ANXA4: variants seen among roughly 807,000 people sequenced by gnomAD.
ANXA4 encodes annexin A4, also known as 35-beta calcimedin.
In ANXA4, 39 loss-of-function variants were observed where a neutral mutation model predicts 49.8. That is an observed-to-expected ratio of 0.78 (90% CI 0.61 to 1.02). ANXA4 has a LOEUF of 1.02. ANXA4 is among the 50% of genes least tolerant of loss of function. ANXA4 has a pLI of 0.00. For missense variants in ANXA4, 360 were observed against 410.1 expected (o/e 0.88, Z 1.05); for synonymous variants, 134 against 152.5 (o/e 0.88, Z 0.89).
At chr2:69,721,692 G>A (rs1184745570) in intron 3 of ANXA4, among the ~76,000 whole-genome samples, 2 of 150,690 alleles carry the variant, frequency 1.3e-5, no homozygotes, top group African/African-American at 2.4e-5. Flanking sequence ...GAGTGAGACC[G>A]TCTCAAAAAA....
At chr2:69,734,154 T>A (rs1670180102) in intron 3 of ANXA4, among the ~76,000 whole-genome samples, 1 of 152,196 alleles carries the variant, frequency 6.6e-6, no homozygotes, top group Non-Finnish European at 1.5e-5. Context: ...TCTCAAGGCT[T>A]TGCTAACCCA....
At chr2:69,668,365 A>C (rs1403344388) in intron 2 of ANXA4, among the ~76,000 whole-genome samples, 1 of 152,124 alleles carries the variant, frequency 6.6e-6, no homozygotes, top group Non-Finnish European at 1.5e-5. Flanking sequence ...TAATCCCAGC[A>C]CTTTAGGAGG....
intron 8 of ANXA4, among the ~76,000 whole-genome samples, chr2:69,814,481 A>AGG (rs1419809597): frequency 6.6e-6 from 1 of 150,458 alleles, no homozygotes; most frequent in East Asian, 2.0e-4. Flanking sequence ...GAGTAGCTGG[A>AGG]CTACAGGCGT....
chr2:69,696,526 TCA>T, intron 2 of ANXA4, among the ~76,000 whole-genome samples: 1 of 152,238 alleles, frequency 6.6e-6, no homozygotes, highest in Non-Finnish European at 1.5e-5. Flanking sequence ...TGCCCTTCTC[TCA>T]TGAATCATGA....
intron 2 of ANXA4, among the ~76,000 whole-genome samples, chr2:69,719,627 A>T (rs964282945): frequency 2.6e-5 from 4 of 151,436 alleles, no homozygotes; most frequent in Admixed American, 2.0e-4. Context: ...TTTAGTAGAG[A>T]CAGGTTTCAC....
At chr2:69,811,797 C>T (rs1362021280) in intron 7 of ANXA4, among the ~76,000 whole-genome samples, 3 of 152,194 alleles carry the variant, frequency 2.0e-5, no homozygotes, top group African/African-American at 4.8e-5. Context: ...CCAATTTCCA[C>T]TTTGCTCTTG....
chr2:69,726,672 A>G (rs1559115454), intron 3 of ANXA4, among the ~76,000 whole-genome samples: 1 of 152,222 alleles, frequency 6.6e-6, no homozygotes, highest in Non-Finnish European at 1.5e-5. Context: ...CCCAAGGGTA[A>G]CCATTATCCT....
At chr2:69,676,491 G>T (rs1220525088) in intron 2 of ANXA4, among the ~76,000 whole-genome samples, 1 of 152,058 alleles carries the variant, frequency 6.6e-6, no homozygotes, top group Non-Finnish European at 1.5e-5. Flanking sequence ...ATTTGAATTT[G>T]CTTTTAAATT....
At chr2:69,777,757 C>A (rs1353190664) in intron 1 of ANXA4, among the ~76,000 whole-genome samples, 1 of 152,196 alleles carries the variant, frequency 6.6e-6, no homozygotes, top group Non-Finnish European at 1.5e-5. Flanking sequence ...GAACGGCTAG[C>A]CCCTTCCCTT....
At chr2:69,672,248 T>C (rs1039360974) in intron 2 of ANXA4, among the ~76,000 whole-genome samples, 2 of 152,190 alleles carry the variant, frequency 1.3e-5, no homozygotes, top group Non-Finnish European at 2.9e-5. Flanking sequence ...TATTTATTTA[T>C]TGAGACAGAA....
At chr2:69,719,848 A>T (rs1266573497) in intron 2 of ANXA4, among the ~76,000 whole-genome samples, 3 of 152,114 alleles carry the variant, frequency 2.0e-5, no homozygotes, top group Non-Finnish European at 2.9e-5. Context: ...GGCTGGTCTC[A>T]AACTCCTGCT....
chr2:69,815,188 T>G (rs1184405096), intron 8 of ANXA4: 1 of 152,228 alleles, frequency 6.6e-6, no homozygotes, highest in Non-Finnish European at 1.5e-5. Flanking sequence ...AACCCATGGC[T>G]CAGTCAAGTT....
intron 2 of ANXA4, among the ~76,000 whole-genome samples, chr2:69,688,445 G>A (rs1677864226): frequency 6.6e-6 from 1 of 152,136 alleles, no homozygotes; most frequent in African/African-American, 2.4e-5. Context: ...GATGATAAGC[G>A]TCTAGATCTG....
At chr2:69,770,792 A>G (rs925326025) in intron 1 of ANXA4, among the ~76,000 whole-genome samples, 4 of 152,046 alleles carry the variant, frequency 2.6e-5, no homozygotes, top group African/African-American at 9.7e-5. Context: ...TAATTTATTT[A>G]TATTAAGAAA....
At chr2:69,768,376 T>A (rs1671577756) in intron 1 of ANXA4, among the ~76,000 whole-genome samples, 1 of 151,888 alleles carries the variant, frequency 6.6e-6, no homozygotes, top group Non-Finnish European at 1.5e-5. Context: ...TGTGGAGGAG[T>A]GAGCGCAGGG....
intron 1 of ANXA4, among the ~76,000 whole-genome samples, chr2:69,745,731 A>G (rs562745289): frequency 7.2e-5 from 11 of 152,088 alleles, no homozygotes; most frequent in Admixed American, 5.2e-4. Flanking sequence ...GGGTTTCACC[A>G]TATTGGCCAG....
rs2103920253 is a variant in ANXA4, at chr2:69,825,831, C to G, written c.*316C>G. 1 of 201,244 alleles carries G rather than the reference C, an allele frequency of 5.0e-6. No individual in the cohort carries two copies. Among genetic ancestry groups the G allele is most frequent in the East Asian group, 1.1e-4 (1 of 9,012 alleles). The allele number at this position is 201,244 out of a possible 1,614,324, so 12.5% of individuals were successfully genotyped here. A position where few individuals can be genotyped will look rare whatever the true frequency, so the allele number is the denominator to read the frequency against. ...CAGACATTGAATATATTAAATTATTCCATATTTTCTTTTCAGTGAAAAATT... is the reference window on the plus strand; with the variant it reads ...CAGACATTGAATATATTAAATTATTGCATATTTTCTTTTCAGTGAAAAATT... On this transcript the variant is annotated 3_prime_UTR_variant, in exon 13 of 13. Coordinates refer to ENST00000394295, the MANE Select transcript of ANXA4 (RefSeq NM_001153.5).
chr2:69,689,025 T>C (rs1396115310), intron 2 of ANXA4, among the ~76,000 whole-genome samples: 1 of 152,226 alleles, frequency 6.6e-6, no homozygotes, highest in African/African-American at 2.4e-5. Flanking sequence ...CCTTCCTTTC[T>C]TCTTCCTCCT....
At chr2:69,804,666 G>A (rs769485917) in intron 4 of ANXA4, 39 bp downstream of exon 4, 6 of 1,527,186 alleles carry the variant, frequency 3.9e-6, no homozygotes, top group South Asian at 1.2e-5. Context: ...GGCTGACTTC[G>A]CAGCAACAGG....
Sources: gnomAD v4.1 joint callset for allele counts (sites outside exome capture counted in the v4.1 genomes callset) on GRCh38, gnomAD v4.1.1 for gene constraint, MANE v1.5 for transcripts, NCBI Gene and HGNC (gene_info 2026-07-23, HGNC 2026-07-21) for gene names.